NDST4: variants seen among roughly 807,000 people sequenced by gnomAD.
NDST4 encodes the protein N-deacetylase and N-sulfotransferase 4, also known as N-heparan sulfate sulfotransferase 4.
NDST4 carries 63 observed loss-of-function variants against 100.8 expected under a neutral mutation model. The ratio of observed to expected loss-of-function variants is 0.62; its 90% confidence interval spans 0.51 to 0.77. The LOEUF (loss-of-function observed/expected upper bound fraction) is 0.77. NDST4 is among the 30% of genes least tolerant of loss of function. The pLI, the probability that NDST4 is intolerant of heterozygous loss-of-function variation, is 0.00. For missense variants in NDST4, 943 were observed against 1,018.4 expected (o/e 0.93, Z 1.01); for synonymous variants, 377 against 361.8 (o/e 1.04, Z -0.48).
rs553837795 is a variant in NDST4 at position 114,996,090 on chromosome 4, G to T, written c.979-18816C>A. ...TCTGATTTCCCAGTTTATATGGTTTGGCTCTGTATCCCCACTCAAATCTCA... is the reference window on the plus strand; with the variant it reads ...TCTGATTTCCCAGTTTATATGGTTTTGCTCTGTATCCCCACTCAAATCTCA... On this transcript the variant is annotated intron_variant, in intron 2 of 13. Transcript: ENST00000264363. Among the ~76,000 whole-genome samples, 6 of 152,098 alleles carry T rather than the reference G, an allele frequency of 3.9e-5. No homozygotes were observed. In the South Asian group the frequency reaches 1.0e-3, roughly 26 times the overall value.
At chr4:114,965,661 G>A (rs1726364024) in intron 4 of NDST4, among the ~76,000 whole-genome samples, 1 of 151,810 alleles carries the variant, frequency 6.6e-6, no homozygotes, top group Non-Finnish European at 1.5e-5. Flanking sequence ...TACCCCTTCA[G>A]GATATTTCAT....
intron 2 of NDST4, among the ~76,000 whole-genome samples, chr4:115,002,384 T>C (rs1455160699): frequency 6.6e-6 from 1 of 152,208 alleles, no homozygotes; most frequent in Non-Finnish European, 1.5e-5. Flanking sequence ...TCCTTGTAGA[T>C]TCTGGATATT....
intron 8 of NDST4, among the ~76,000 whole-genome samples, chr4:114,848,878 C>T (rs1254572940): frequency 6.6e-6 from 1 of 152,154 alleles, no homozygotes; most frequent in Non-Finnish European, 1.5e-5. Context: ...TGGACAAGTA[C>T]ACAAGTAATT....
chr4:115,093,021 G>T (rs1048926010), intron 1 of NDST4, among the ~76,000 whole-genome samples: 3 of 152,104 alleles, frequency 2.0e-5, no homozygotes, highest in East Asian at 1.9e-4. Flanking sequence ...ATGATAGAAA[G>T]TTCAATTCAC....
At chr4:114,977,565 C>A (rs1429078452) in intron 2 of NDST4, among the ~76,000 whole-genome samples, 1 of 151,900 alleles carries the variant, frequency 6.6e-6, no homozygotes, top group Non-Finnish European at 1.5e-5. Flanking sequence ...CTGTGTGAGA[C>A]ATTTCTTGAA....
At chr4:114,957,790 T>C (rs1726171622) in intron 4 of NDST4, among the ~76,000 whole-genome samples, 1 of 152,150 alleles carries the variant, frequency 6.6e-6, no homozygotes, top group East Asian at 1.9e-4. Context: ...ACAAAGGGAC[T>C]ATGGGCCCAT....
intron 6 of NDST4, among the ~76,000 whole-genome samples, chr4:114,871,604 T>A (rs1184863043): frequency 1.3e-5 from 2 of 152,078 alleles, no homozygotes; most frequent in Non-Finnish European, 2.9e-5. Flanking sequence ...AAAATTCAAA[T>A]GTTATTACAA....
chr4:115,054,551 T>C (rs1728652876), intron 2 of NDST4, among the ~76,000 whole-genome samples: 1 of 152,180 alleles, frequency 6.6e-6, no homozygotes, highest in South Asian at 2.1e-4. Context: ...AATTTTTTTA[T>C]TTTATATAGA....
chr4:115,077,085 G>C lies in NDST4; in HGVS notation c.-49C>G. On this transcript the variant is annotated 5_prime_UTR_variant, in exon 2 of 14. Transcript: ENST00000264363. ...CTTTTTCCCAATTTCGTTTCCTAAAGTGCCATAGTGAATAAAGTATGAGAT... is the reference window on the plus strand; with the variant it reads ...CTTTTTCCCAATTTCGTTTCCTAAACTGCCATAGTGAATAAAGTATGAGAT... The C allele has an allele frequency of 4.0e-6, 6 of 1,496,764 alleles. No homozygotes were observed. Among genetic ancestry groups the C allele is most frequent in the Non-Finnish European group, 5.4e-6 (6 of 1,115,168 alleles). 92.7% of individuals were successfully genotyped at this position (1,496,764 alleles called of 1,614,324 possible). A position where few individuals can be genotyped will look rare whatever the true frequency, so the allele number is the denominator to read the frequency against.
At chr4:115,092,404 G>A (rs149619401) in intron 1 of NDST4, among the ~76,000 whole-genome samples, 4 of 152,020 alleles carry the variant, frequency 2.6e-5, no homozygotes, top group South Asian at 4.2e-4. Context: ...ATATAATCAC[G>A]AATTTCTCAA....
At position 115,084,626 on chromosome 4, in the gene NDST4, G is replaced by A. The variant is rs1273563132; in HGVS notation, c.-246-7344C>T. Among the ~76,000 whole-genome samples the A allele has an allele frequency of 3.3e-5, 5 of 152,296 alleles. No individual in the cohort carries two copies. The South Asian group carries it at 8.3e-4, about 25-fold the overall frequency. On this transcript the variant is annotated intron_variant, in intron 1 of 13. Coordinates refer to ENST00000264363, the MANE Select transcript of NDST4 (RefSeq NM_022569.3). ...CGTGCCTCAGGCTACTCCAGCTGTG[G>A]ATAAAAGGGGCCAACATATAGCTCT...
At chr4:115,048,323 A>G (rs1728508801) in intron 2 of NDST4, among the ~76,000 whole-genome samples, 1 of 152,192 alleles carries the variant, frequency 6.6e-6, no homozygotes, top group African/African-American at 2.4e-5. Context: ...ACATTTATAA[A>G]AACAAATCAT....
At chr4:115,035,624 A>T (rs551612081) in intron 2 of NDST4, among the ~76,000 whole-genome samples, 2 of 152,218 alleles carry the variant, frequency 1.3e-5, no homozygotes, top group African/African-American at 4.8e-5. Flanking sequence ...TATTTAAAAC[A>T]TAGCGACATG....
At chr4:114,877,968 A>G (rs1724291513) in intron 6 of NDST4, among the ~76,000 whole-genome samples, 1 of 151,982 alleles carries the variant, frequency 6.6e-6, no homozygotes, top group Non-Finnish European at 1.5e-5. Context: ...AAAAAAAAAT[A>G]AAGAAGGAAA....
intron 1 of NDST4, among the ~76,000 whole-genome samples, chr4:115,108,480 T>A (rs1430293938): frequency 1.3e-5 from 2 of 151,994 alleles, no homozygotes; most frequent in Admixed American, 6.6e-5. Context: ...TTTGGGTTGC[T>A]TATGAATGTT....
At chr4:114,870,709 T>C in intron 7 of NDST4, 59 bp downstream of exon 7, 1 of 1,433,404 alleles carries the variant, frequency 7.0e-7, no homozygotes, top group South Asian at 1.4e-5. Context: ...ACACAAATTA[T>C]ACACTCACAA....
chr4:114,841,337 T>C (rs963677424), intron 10 of NDST4, among the ~76,000 whole-genome samples: 5 of 152,184 alleles, frequency 3.3e-5, no homozygotes, highest in Admixed American at 2.0e-4. Context: ...CCTGCTGAGC[T>C]TTGGATTTAT....
intron 2 of NDST4, among the ~76,000 whole-genome samples, chr4:115,061,865 T>A (rs777674530): frequency 6.6e-6 from 1 of 152,050 alleles, no homozygotes; most frequent in Non-Finnish European, 1.5e-5. Flanking sequence ...CACACTTAGT[T>A]GAAATTGTAA....
At chr4:114,986,832 A>ATATATATATATATATTTTTTTTTTT in intron 2 of NDST4, among the ~76,000 whole-genome samples, 2 of 94,662 alleles carry the variant, frequency 2.1e-5, no homozygotes, top group Admixed American at 1.2e-4. Context: ...ATATATATAT[A>ATATATATATATATATTTTTTTTTTT]TTTTAATATA....
Sources: gnomAD v4.1 joint callset for allele counts (sites outside exome capture counted in the v4.1 genomes callset) on GRCh38, gnomAD v4.1.1 for gene constraint, MANE v1.5 for transcripts, NCBI Gene and HGNC (gene_info 2026-07-23, HGNC 2026-07-21) for gene names.